Variants in GRIA1 observed in about 807,000 individuals in gnomAD.
The protein encoded by GRIA1 is glutamate receptor 1.
Under a neutral mutation model 99.2 loss-of-function variants are expected in GRIA1, and 31 were observed. That is an observed-to-expected ratio of 0.31 (90% CI 0.23 to 0.42). The LOEUF (loss-of-function observed/expected upper bound fraction) is 0.42. Among genes scored for constraint, GRIA1 ranks in the 10% least tolerant of loss-of-function variants. The pLI, the probability that GRIA1 is intolerant of heterozygous loss-of-function variation, is 1.00. For missense variants in GRIA1, 782 were observed against 1,157.5 expected (o/e 0.68, Z 4.71); for synonymous variants, 438 against 432.4 (o/e 1.01, Z -0.16).
chr5:153,586,823 G>C (rs942803097), intron 2 of GRIA1, among the ~76,000 whole-genome samples: 1 of 152,162 alleles, frequency 6.6e-6, no homozygotes, highest in African/African-American at 2.4e-5. Context: ...CAAATGTAAA[G>C]AAAAGCACAG....
At position 153,618,565 on chromosome 5, in the gene GRIA1, A is replaced by G. The variant is rs79815537; in HGVS notation, c.221-28363A>G. Among the ~76,000 whole-genome samples, 226 of 152,302 alleles carry G rather than the reference A, an allele frequency of 1.5e-3. 1 individual carries two copies. The highest frequency in any genetic ancestry group is 5.2e-3 in the African/African-American group (217 of 41,566). ...ACAGCTGACAAGGAGGGAAGGCCCA[A>G]TGGAGACTTCAGGCTCACCACGTAT... is the stretch of plus-strand genomic sequence containing the variant. On this transcript the variant is annotated intron_variant, in intron 2 of 15. Transcript: ENST00000285900.
intron 2 of GRIA1, among the ~76,000 whole-genome samples, chr5:153,514,506 G>A (rs910495322): frequency 6.6e-6 from 1 of 152,146 alleles, no homozygotes; most frequent in Non-Finnish European, 1.5e-5. Context: ...TCATAGACTT[G>A]TAGGTTTATT....
intron 2 of GRIA1, among the ~76,000 whole-genome samples, chr5:153,588,928 A>C (rs889648597): frequency 1.3e-5 from 2 of 152,218 alleles, no homozygotes; most frequent in Non-Finnish European, 2.9e-5. Flanking sequence ...AACACCTAAT[A>C]CAATGCATGA....
At chr5:153,779,138 A>G (rs1038056259) in intron 13 of GRIA1, among the ~76,000 whole-genome samples, 6 of 152,206 alleles carry the variant, frequency 3.9e-5, no homozygotes, top group Admixed American at 1.3e-4. Context: ...TGTGCTGGGC[A>G]ATGCATTCAG....
At chr5:153,576,430 T>C (rs1394916958) in intron 2 of GRIA1, among the ~76,000 whole-genome samples, 2 of 152,196 alleles carry the variant, frequency 1.3e-5, no homozygotes, top group African/African-American at 4.8e-5. Flanking sequence ...AGACAGTTTC[T>C]GATTGTCCTA....
chr5:153,683,555 G>T (rs1239864727), intron 7 of GRIA1, among the ~76,000 whole-genome samples: 1 of 152,190 alleles, frequency 6.6e-6, no homozygotes, highest in Non-Finnish European at 1.5e-5. Context: ...AGTGCAAGGG[G>T]TCCTTGGGTC....
chr5:153,706,108 T>TTTTG lies in GRIA1; in HGVS notation c.1823+65_1823+68dup, dbSNP rs140268951. ...TCAATCCCTTTGCCTAATGCTATGGTTTTGTTTGTTTGTTTGTTTGTTTGT... is the reference window on the plus strand; with the variant it reads ...TCAATCCCTTTGCCTAATGCTATGGTTTTGTTTGTTTGTTTGTTTGTTTGTTTGT... On this transcript the variant is annotated intron_variant, in intron 11 of 15. Transcript: ENST00000285900. The TTTTG allele has an allele frequency of 2.7e-3, 3,609 of 1,348,062 alleles. 46 individuals carry two copies. The highest frequency in any genetic ancestry group is 0.023 in the African/African-American group (1,591 of 68,924). The allele number at this position is 1,348,062 out of a possible 1,614,324, so 83.5% of individuals were successfully genotyped here.
At chr5:153,518,524 C>T (rs1056617020) in intron 2 of GRIA1, among the ~76,000 whole-genome samples, 1 of 152,146 alleles carries the variant, frequency 6.6e-6, no homozygotes, top group Non-Finnish European at 1.5e-5. Context: ...TCTGAAGCTG[C>T]TCATGGCCTA....
At chr5:153,657,915 A>G (rs1459784983) in intron 5 of GRIA1, among the ~76,000 whole-genome samples, 1 of 152,162 alleles carries the variant, frequency 6.6e-6, no homozygotes, top group Non-Finnish European at 1.5e-5. Flanking sequence ...TCCAAAGACC[A>G]TTTGCAAAAA....
chr5:153,675,077 C>G (rs1002059314), intron 6 of GRIA1, among the ~76,000 whole-genome samples: 1 of 152,188 alleles, frequency 6.6e-6, no homozygotes, highest in Non-Finnish European at 1.5e-5. Context: ...CAATGCACAA[C>G]TTCTTCATGA....
intron 12 of GRIA1, among the ~76,000 whole-genome samples, chr5:153,769,433 A>T (rs1763732199): frequency 6.6e-6 from 1 of 152,088 alleles, no homozygotes; most frequent in African/African-American, 2.4e-5. Flanking sequence ...ATTCTGTTCT[A>T]TGAAACAAGG....
chr5:153,766,818 G>A (rs772324955), intron 12 of GRIA1, among the ~76,000 whole-genome samples: 23 of 152,272 alleles, frequency 1.5e-4, no homozygotes, highest in Middle Eastern at 3.4e-3. Flanking sequence ...GGCACAGCTG[G>A]GATTTAAAAT....
intron 2 of GRIA1, among the ~76,000 whole-genome samples, chr5:153,611,687 T>C (rs913535327): frequency 6.6e-6 from 1 of 152,184 alleles, no homozygotes; most frequent in Non-Finnish European, 1.5e-5. Context: ...TAAGATGGCA[T>C]ATAAAAATCC....
chr5:153,798,954 G>A (rs537904388), intron 14 of GRIA1, among the ~76,000 whole-genome samples: 14 of 152,102 alleles, frequency 9.2e-5, no homozygotes, highest in African/African-American at 2.7e-4. Flanking sequence ...GTCACCATTC[G>A]TCACCATAGC....
rs1008699243 is a variant in GRIA1 at position 153,811,594 on chromosome 5, C to A, written c.*369C>A. On this transcript the variant is annotated 3_prime_UTR_variant, in exon 16 of 16. Coordinates refer to ENST00000285900, the MANE Select transcript of GRIA1 (RefSeq NM_000827.4). Reference sequence around the variant, plus strand: ...AGTTGTTAGTGTGTCTTAGTGTGTGCAATTTTTTTTCTTACTAATATCCAT... The same window carrying A: ...AGTTGTTAGTGTGTCTTAGTGTGTGAAATTTTTTTTCTTACTAATATCCAT... 2.2e-5 allele frequency: 4 copies of A among 180,438 alleles called. No homozygotes were observed. Among genetic ancestry groups the A allele is most frequent in the African/African-American group, 9.5e-5 (4 of 42,242 alleles). The allele number at this position is 180,438 out of a possible 1,614,324, so 11.2% of individuals were successfully genotyped here.
chr5:153,801,084 C>G (rs142245637), intron 14 of GRIA1, among the ~76,000 whole-genome samples: 1 of 152,382 alleles, frequency 6.6e-6, no homozygotes, highest in African/African-American at 2.4e-5. Flanking sequence ...TGAGTATTCT[C>G]CTAGTAGTTA....
intron 14 of GRIA1, among the ~76,000 whole-genome samples, chr5:153,796,949 C>A (rs1223114676): frequency 6.6e-6 from 1 of 152,180 alleles, no homozygotes; most frequent in Non-Finnish European, 1.5e-5. Flanking sequence ...CCATCCCTGC[C>A]CTCCTCACAG....
At chr5:153,531,167 A>C (rs544372648) in intron 2 of GRIA1, among the ~76,000 whole-genome samples, 2 of 152,298 alleles carry the variant, frequency 1.3e-5, no homozygotes, top group South Asian at 4.2e-4. Flanking sequence ...CAAGTACAAA[A>C]GTTTTTAGGT....
In GRIA1 at chr5:153,686,324, C is replaced by T. The variant is rs1173036683; in HGVS notation, c.1129C>T (p.Arg377Ter). ...GATTGAAATGAAACATGACGGCATC[C>T]GAAAGGTAAGGTCCCCCTTTACTTC... ...HVIEMKHDGI[R>*]KIGYWNEDDK... Residue 377 changes from arginine (R) to a stop codon, truncating the protein, a stop_gained, in exon 8 of 16, where the codon CGA becomes TGA. Transcript: ENST00000285900. LOFTEE classifies it high-confidence loss of function. 2 of 1,612,248 alleles carry T rather than the reference C, an allele frequency of 1.2e-6. No homozygotes were observed. The highest frequency in any genetic ancestry group is 2.2e-5 in the East Asian group (1 of 44,842).
Sources: gnomAD v4.1 joint callset for allele counts (sites outside exome capture counted in the v4.1 genomes callset) on GRCh38, gnomAD v4.1.1 for gene constraint, MANE v1.5 for transcripts, NCBI Gene and HGNC (gene_info 2026-07-23, HGNC 2026-07-21) for gene names.